GRIN2C: variants seen among roughly 807,000 people sequenced by gnomAD.
GRIN2C encodes glutamate receptor ionotropic, NMDA 2C.
In GRIN2C, 64 loss-of-function variants were observed where a neutral mutation model predicts 77.7. The observed-to-expected ratio is 0.82, with a 90% confidence interval of 0.67 to 1.01. GRIN2C has a LOEUF of 1.01. Ranked by LOEUF, GRIN2C falls within the 50% of genes least tolerant of loss-of-function variation. The pLI is 0.00. For synonymous variants in GRIN2C, 792 were observed against 643.4 expected (o/e 1.23, Z -3.49); for missense variants, 1,549 against 1,486.0 (o/e 1.04, Z -0.70).
Position 74,850,562 on chromosome 17 carries a change from G to T in GRIN2C, c.1319C>A (p.Thr440Asn), listed in dbSNP as rs749227754. The T allele has an allele frequency of 3.1e-6, 5 of 1,613,368 alleles. No homozygotes were observed. The highest frequency in any genetic ancestry group is 4.2e-6 in the Non-Finnish European group (5 of 1,179,846). ...CCCAGGGCCCTCCACAGACCTGAAGGTGTGGTTGCTCTGCCTGCGGCAGGG... is the reference window on the plus strand; with the variant it reads ...CCCAGGGCCCTCCACAGACCTGAAGTTGTGGTTGCTCTGCCTGCGGCAGGG... ...TVPCRRQSNHTFSSGDVAPYT... is the reference protein window; with the variant it reads ...TVPCRRQSNHNFSSGDVAPYT... Residue 440 changes from threonine to asparagine, a missense_variant, in exon 5 of 13, where the codon ACC becomes AAC. By Grantham distance (65) the Thr-to-Asn change is moderately conservative. Coordinates refer to ENST00000293190, the MANE Select transcript of GRIN2C (RefSeq NM_000835.6). This position sits in a 1 kb window ranked among gnomAD's most constrained non-coding sequence, Gnocchi z 5.3.
At chr17:74,843,607 G>A (rs1598470300) in intron 12 of GRIN2C, 54 bp from the exon 13 acceptor site, 4 of 1,521,580 alleles carry the variant, frequency 2.6e-6, no homozygotes, top group Admixed American at 4.1e-5. Context: ...TCAGGGACCC[G>A]CCACGATTGT....
intron 1 of GRIN2C, among the ~76,000 whole-genome samples, chr17:74,855,606 G>C (rs1349038167): frequency 1.3e-5 from 2 of 152,350 alleles, no homozygotes; most frequent in South Asian, 2.1e-4. Flanking sequence ...GAGCTAACAG[G>C]CTATTTGCTG....
chr17:74,844,599 G>A, intron 11 of GRIN2C, 91 bp from the exon 12 acceptor site: 2 of 1,516,416 alleles, frequency 1.3e-6, no homozygotes, highest in South Asian at 1.3e-5. Context: ...AGTAAGAAGG[G>A]ATCTGGGGCA....
rs2037321243 is a variant in GRIN2C, at chr17:74,842,602, A to G, written c.3535T>C (p.Ser1179Pro). The change falls in exon 13 of 13, where the codon TCC (serine) becomes CCC (proline). Residue 1179 changes from serine (S) to proline (P), a missense_variant. Transcript: ENST00000293190. ...PPCASHGSWLSGAWGPLGHRG... is the reference protein window; with the variant it reads ...PPCASHGSWLPGAWGPLGHRG... ...TGCCCCAGAGGCCCCCAGGCCCCGGAGAGCCAGGAGCCGTGGCTGGCACAG... is the reference window on the plus strand; with the variant it reads ...TGCCCCAGAGGCCCCCAGGCCCCGGGGAGCCAGGAGCCGTGGCTGGCACAG... 1 of 765,792 alleles carries G rather than the reference A, an allele frequency of 1.3e-6. No homozygotes were observed. Among genetic ancestry groups the G allele is most frequent in the East Asian group, 2.5e-5 (1 of 40,578 alleles). 47.4% of individuals were successfully genotyped at this position (765,792 alleles called of 1,614,324 possible).
In GRIN2C at chr17:74,852,044, G is replaced by A. The variant is rs759581748; in HGVS notation, c.967C>T (p.Pro323Ser). ...PAGDCRVHPGPVSPAREAFYR... is the reference protein window; with the variant it reads ...PAGDCRVHPGSVSPAREAFYR... ...AAGGCCTCCCGGGCAGGGCTGACGG[G>A]CCCAGGGTGAACACGGCAGTCCCCG... is the stretch of plus-strand genomic sequence containing the variant. Residue 323 changes from proline to serine, a missense_variant, in exon 3 of 13, where the codon CCC becomes TCC. By Grantham distance (74) the Pro-to-Ser change is moderately conservative. Coordinates refer to ENST00000293190, the MANE Select transcript of GRIN2C (RefSeq NM_000835.6). The A allele has an allele frequency of 4.8e-6, 7 of 1,464,522 alleles. No homozygotes were observed. Among genetic ancestry groups the A allele is most frequent in the Non-Finnish European group, 6.3e-6 (7 of 1,107,056 alleles). The allele number at this position is 1,464,522 out of a possible 1,614,324, so 90.7% of individuals were successfully genotyped here.
rs1255196504 is a variant in GRIN2C, at chr17:74,846,863, T to C, written c.2059A>G (p.Ser687Gly). The C allele has an allele frequency of 6.2e-7, 1 of 1,614,010 alleles. No individual in the cohort carries two copies. Among genetic ancestry groups the C allele is most frequent in the African/African-American group, 1.3e-5 (1 of 74,940 alleles). ...TTACTGCGGATGTTCCGCTCCGTGC[T>C]GCCGTTGGGCACCGTGCCGAAGCGG... is the stretch of plus-strand genomic sequence containing the variant. ...PFRFGTVPNG[S>G]TERNIRSNYR... Residue 687 changes from serine to glycine, a missense_variant, in exon 10 of 13, where the codon AGC (serine) becomes GGC (glycine). Physicochemically the swap from Ser to Gly is moderately conservative, Grantham distance 56. Coordinates refer to ENST00000293190, the MANE Select transcript of GRIN2C (RefSeq NM_000835.6). The surrounding 1 kb of genome is among the most constrained non-coding windows in gnomAD (Gnocchi z 4.4).
At chr17:74,854,202 C>T (rs1360570645) in intron 2 of GRIN2C, 1 of 153,892 alleles carries the variant, frequency 6.5e-6, no homozygotes, top group African/African-American at 2.4e-5. Context: ...CTTCAGAACG[C>T]TTGTCCTAGT....
At position 74,846,734 on chromosome 17, in the gene GRIN2C, C is replaced by A. The variant is rs2037466917; in HGVS notation, c.2162+26G>T. The stretch of plus-strand genomic sequence containing the variant: ...CACTGGGGAGACACACGGATGAAGA[C>A]AGCGGGTGCAGGGCTGGGGACCCAC... On this transcript the variant is annotated intron_variant, in intron 10 of 12. Transcript: ENST00000293190. The surrounding 1 kb of genome is among the most constrained non-coding windows in gnomAD (Gnocchi z 4.4). 6.2e-7 allele frequency: 1 copy of A among 1,605,910 alleles called. No individual in the cohort carries two copies. The highest frequency in any genetic ancestry group is 1.1e-5 in the South Asian group (1 of 89,672).
chr17:74,843,263 C>A lies in GRIN2C; in HGVS notation c.2874G>T (p.Thr958=), dbSNP rs565713123. The A allele has an allele frequency of 2.5e-6, 2 of 794,900 alleles. No individual in the cohort carries two copies. Among genetic ancestry groups the A allele is most frequent in the South Asian group, 2.2e-5 (1 of 44,902 alleles). The allele number at this position is 794,900 out of a possible 1,614,324, so 49.2% of individuals were successfully genotyped here. The change falls in exon 13 of 13, where the codon ACG becomes ACT. Residue 958 remains threonine (T), a synonymous_variant. Transcript: ENST00000293190. The stretch of plus-strand genomic sequence containing the variant: ...GACCCCCGTCTGGCGGTCCCCAGCC[C>A]GTGGGGCTCGGCTCTGGGGGCGGGT... ...TPDPPPEPSP[T]GWGPPDGGRA...
chr17:74,844,293 G>C lies in GRIN2C; in HGVS notation c.2566C>G (p.Leu856Val). The C allele has an allele frequency of 6.2e-7, 1 of 1,613,982 alleles. No homozygotes were observed. Among genetic ancestry groups the C allele is most frequent in the Non-Finnish European group, 8.5e-7 (1 of 1,179,894 alleles). ...GCACCCACCCTGCTGAAAGCCAGCA[G>C]GAAGTCCAGCTGGGATGAGTTGGGC... ...SVPNSSQLDF[L>V]LAFSRGIYSC... The change falls in exon 12 of 13, where the codon CTG (leucine) becomes GTG (valine). Residue 856 changes from leucine to valine, a missense_variant. Leu to Val is a conservative substitution (Grantham distance 32). Transcript: ENST00000293190.
At chr17:74,848,095 G>A in intron 7 of GRIN2C, 118 bp from the exon 8 acceptor site, 1 of 1,123,228 alleles carries the variant, frequency 8.9e-7, no homozygotes, top group Non-Finnish European at 1.3e-6. Flanking sequence ...CAGCTCTGCG[G>A]ACCCAGCCAA....
In GRIN2C at chr17:74,852,377, T is replaced by G; in HGVS notation, c.634A>C (p.Thr212Pro). 6.9e-7 allele frequency: 1 copy of G among 1,440,912 alleles called. No homozygotes were observed. Among genetic ancestry groups the G allele is most frequent in the Non-Finnish European group, 9.0e-7 (1 of 1,105,352 alleles). The allele number at this position is 1,440,912 out of a possible 1,614,324, so 89.3% of individuals were successfully genotyped here. The change falls in exon 3 of 13, where the codon ACG (threonine) becomes CCG (proline). Residue 212 changes from threonine to proline, a missense_variant. Around this residue, in one of 3 missense-constraint regions of GRIN2C, gnomAD observed 382 missense variants for 360.0 expected, o/e 1.06. Transcript: ENST00000293190. The stretch of plus-strand genomic sequence containing the variant: ...TCGAGCTGGCGCAGCAGGCGCTGCG[T>G]GCGCGCGCGCGGCCCTCCCGGGCCC... ...ELGPGGPRAR[T>P]QRLLRQLDAP...
chr17:74,846,195 C>G lies in GRIN2C; in HGVS notation c.2221G>C (p.Glu741Gln), dbSNP rs772331094. Residue 741 changes from glutamate to glutamine, a missense_variant, in exon 11 of 13, where the codon GAG becomes CAG. This residue lies in a region of GRIN2C where 717 missense variants were observed against 858.1 expected (regional missense o/e 0.84). Coordinates refer to ENST00000293190, the MANE Select transcript of GRIN2C (RefSeq NM_000835.6). The surrounding 1 kb of genome is among the most constrained non-coding windows in gnomAD (Gnocchi z 4.4). ...AVLNYMAGKD[E>Q]GCKLVTIGSG... ...CCAATGGTGACCAGCTTGCAGCCCT[C>G]GTCCTTGCCTGCCATGTAGTTGAGG... is the stretch of plus-strand genomic sequence containing the variant. 2.0e-5 allele frequency: 32 copies of G among 1,614,058 alleles called. No homozygotes were observed. Among genetic ancestry groups the G allele is most frequent in the Non-Finnish European group, 2.6e-5 (31 of 1,180,000 alleles).
chr17:74,854,727 G>A lies in GRIN2C; in HGVS notation c.366C>T (p.Ile122=), dbSNP rs2144613237. 1.9e-6 allele frequency: 3 copies of A among 1,610,500 alleles called. No homozygotes were observed. The highest frequency in any genetic ancestry group is 2.5e-6 in the Non-Finnish European group (3 of 1,177,090). The change falls in exon 2 of 13, where the codon ATC becomes ATT. Residue 122 remains isoleucine, a synonymous_variant. Coordinates refer to ENST00000293190, the MANE Select transcript of GRIN2C (RefSeq NM_000835.6). ...TGAGGACCACAGCAGAGCCTCCGCT[G>A]ATGCTGAGGATGGGCACATGGGTCT... ...SSQTHVPILS[I]SGGSAVVLTP...
rs1013470474 is a variant in GRIN2C at position 74,855,017 on chromosome 17, C to T, written c.76G>A (p.Gly26Ser). 4 of 1,603,446 alleles carry T rather than the reference C, an allele frequency of 2.5e-6. No homozygotes were observed. The highest frequency in any genetic ancestry group is 1.1e-5 in the South Asian group (1 of 90,944). ...GAWAGLGPGQGEQGMTVAVVF... is the reference protein window; with the variant it reads ...GAWAGLGPGQSEQGMTVAVVF... ...ACGGCCACCGTCATGCCCTGCTCGC[C>T]CTGCCCCGGACCCAGCCCTGCCCAG... is the stretch of plus-strand genomic sequence containing the variant. The change falls in exon 2 of 13, where the codon GGC becomes AGC. Residue 26 changes from glycine (G) to serine (S), a missense_variant. By Grantham distance (56) the Gly-to-Ser change is moderately conservative. Around this residue, in one of 3 missense-constraint regions of GRIN2C, gnomAD observed 382 missense variants for 360.0 expected, o/e 1.06. Coordinates refer to ENST00000293190, the MANE Select transcript of GRIN2C (RefSeq NM_000835.6).
chr17:74,850,335 A>T lies in GRIN2C; in HGVS notation c.1362T>A (p.Cys454Ter). ...GDVAPYTKLCCKGFCIDILKK... is the reference protein window; with the variant it reads ...GDVAPYTKLC ...TGAGGATGTCGATGCAGAATCCCTT[A>T]CAGCAGAGCTTGGTGTAGGGGGCCA... The change falls in exon 6 of 13, where the codon TGT becomes TGA. Residue 454 changes from cysteine (C) to a stop codon, truncating the protein, a stop_gained. Coordinates refer to ENST00000293190, the MANE Select transcript of GRIN2C (RefSeq NM_000835.6). LOFTEE classifies it high-confidence loss of function. This position sits in a 1 kb window ranked among gnomAD's most constrained non-coding sequence, Gnocchi z 5.3. 1 of 1,613,550 alleles carries T rather than the reference A, an allele frequency of 6.2e-7. No homozygotes were observed. Among genetic ancestry groups the T allele is most frequent in the Non-Finnish European group, 8.5e-7 (1 of 1,179,928 alleles).
Position 74,851,737 on chromosome 17 carries a change from C to A in GRIN2C, c.999-46G>T, listed in dbSNP as rs764271130. On this transcript the variant is annotated intron_variant, in intron 3 of 12. Transcript: ENST00000293190. The stretch of plus-strand genomic sequence containing the variant: ...CTGCAGCCCTGCCAAGGACCAGGCA[C>A]CCCCTGCCTCTGCCTCACCGCCGCC... The A allele has an allele frequency of 5.0e-6, 6 of 1,205,932 alleles. No homozygotes were observed. The South Asian group carries it at 5.2e-5, about 10-fold the overall frequency. The allele number at this position is 1,205,932 out of a possible 1,614,324, so 74.7% of individuals were successfully genotyped here. A position where few individuals can be genotyped will look rare whatever the true frequency, so the allele number is the denominator to read the frequency against.
Position 74,850,736 on chromosome 17 carries a change from A to G in GRIN2C, c.1145T>C (p.Met382Thr). Residue 382 changes from methionine to threonine, a missense_variant, in exon 5 of 13, where the codon ATG becomes ACG. Physicochemically the swap from Met to Thr is moderately conservative, Grantham distance 81 (BLOSUM62 -1). Transcript: ENST00000293190. This position sits in a 1 kb window ranked among gnomAD's most constrained non-coding sequence, Gnocchi z 5.3. ...GTAGCGAGGCCACACGGGGTACTTCATGTATAGGACGCCATGCTCCCAGCG... is the reference window on the plus strand; with the variant it reads ...GTAGCGAGGCCACACGGGGTACTTCGTGTATAGGACGCCATGCTCCCAGCG... Reference protein sequence around the residue: ...VGRWEHGVLYMKYPVWPRYSA... With the variant: ...VGRWEHGVLYTKYPVWPRYSA... 2 of 1,613,280 alleles carry G rather than the reference A, an allele frequency of 1.2e-6. No homozygotes were observed. Among genetic ancestry groups the G allele is most frequent in the Non-Finnish European group, 1.7e-6 (2 of 1,179,962 alleles).
At chr17:74,845,034 C>T (rs900921688) in intron 11 of GRIN2C, among the ~76,000 whole-genome samples, 2 of 149,712 alleles carry the variant, frequency 1.3e-5, no homozygotes, top group East Asian at 2.0e-4. Context: ...TAGGTTCAAG[C>T]GATCCTTCCA....
Sources: allele counts gnomAD v4.1 joint callset (sites outside exome capture counted in the v4.1 genomes callset), GRCh38; gene constraint gnomAD v4.1.1; regional missense constraint gnomAD v4.1.1; non-coding constraint Gnocchi (gnomAD v3.1); transcripts MANE v1.5; gene names NCBI Gene and HGNC (gene_info 2026-07-23, HGNC 2026-07-21).